MAP4K3: variants seen among roughly 807,000 people sequenced by gnomAD.
The protein encoded by MAP4K3 is MAPK/ERK kinase kinase kinase 3.
A neutral mutation model predicts 143.5 loss-of-function variants in MAP4K3; 94 were observed. The observed-to-expected ratio is 0.65, with a 90% CI of 0.55 to 0.78. The LOEUF (loss-of-function observed/expected upper bound fraction) is 0.78, where lower values mean the gene tolerates loss of function less well. Among genes scored for constraint, MAP4K3 ranks in the 30% least tolerant of loss-of-function variants. The probability of loss-of-function intolerance (pLI) is 0.00; values close to 1 mark genes in which losing one functional copy is unlikely to be tolerated. For synonymous variants in MAP4K3, 416 were observed against 347.2 expected (o/e 1.20, Z -2.20); for missense variants, 1,077 against 1,068.1 (o/e 1.01, Z -0.12).
At chr2:39,400,093 C>T (rs528364694) in intron 1 of MAP4K3, among the ~76,000 whole-genome samples, 157 of 152,266 alleles carry the variant, frequency 1.0e-3, no homozygotes, top group African/African-American at 3.7e-3. Context: ...AAAAACCCTG[C>T]TATACTTTAG....
chr2:39,435,512 C>G (rs1002015022), intron 1 of MAP4K3, among the ~76,000 whole-genome samples: 5 of 152,212 alleles, frequency 3.3e-5, no homozygotes, highest in African/African-American at 9.6e-5. Flanking sequence ...TCTCTGAGAT[C>G]TCAGCTGAAA....
chr2:39,299,701 A>G (rs2111382), intron 16 of MAP4K3, 42 bp downstream of exon 16: 2 of 1,126,588 alleles, frequency 1.8e-6, no homozygotes, highest in Non-Finnish European at 2.5e-6. Flanking sequence ...GCAACTTAAT[A>G]ATTCTTGAAT....
At chr2:39,361,565 C>T (rs1039882599) in intron 2 of MAP4K3, among the ~76,000 whole-genome samples, 1 of 151,398 alleles carries the variant, frequency 6.6e-6, no homozygotes, top group Non-Finnish European at 1.5e-5. Context: ...TTTTAAAATC[C>T]TTCAATAACA....
intron 1 of MAP4K3, among the ~76,000 whole-genome samples, chr2:39,417,855 G>C (rs921524558): frequency 3.9e-5 from 6 of 152,228 alleles, no homozygotes; most frequent in East Asian, 1.9e-4. Context: ...GGCTAGGGCA[G>C]AGAAATACAA....
At chr2:39,409,365 TG>T (rs1284911601) in intron 1 of MAP4K3, among the ~76,000 whole-genome samples, 1 of 152,200 alleles carries the variant, frequency 6.6e-6, no homozygotes, top group East Asian at 1.9e-4. Flanking sequence ...TTCCACTACA[TG>T]GGGGGCTGGC....
chr2:39,371,853 AT>A (rs1666089969), intron 2 of MAP4K3, among the ~76,000 whole-genome samples: 1 of 151,094 alleles, frequency 6.6e-6, no homozygotes, highest in South Asian at 2.1e-4. Flanking sequence ...ATACACACAC[AT>A]CTATCTATAT....
At chr2:39,315,768 T>C (rs1467529957) in intron 12 of MAP4K3, among the ~76,000 whole-genome samples, 2 of 152,134 alleles carry the variant, frequency 1.3e-5, no homozygotes, top group Non-Finnish European at 2.9e-5. Context: ...CATCGAGAAA[T>C]TCTGAAGGGA....
rs943397960 is a variant in MAP4K3, at chr2:39,357,957, G to C, written c.155-1618C>G. The stretch of plus-strand genomic sequence containing the variant: ...TTGGAAGACAAAAGCTCTCTTTCTG[G>C]GGGTAGCCCTGAGAGTTATTAGTAG... On this transcript the variant is annotated intron_variant, in intron 2 of 33. Coordinates refer to ENST00000263881, the MANE Select transcript of MAP4K3 (RefSeq NM_003618.4). Among the ~76,000 whole-genome samples the C allele has an allele frequency of 2.6e-5, 4 of 152,146 alleles. No homozygotes were observed. In the East Asian group the frequency reaches 5.8e-4, roughly 22 times the overall value.
chr2:39,288,922 G>C (rs536186134), intron 19 of MAP4K3, among the ~76,000 whole-genome samples: 22 of 152,174 alleles, frequency 1.4e-4, no homozygotes, highest in Admixed American at 2.6e-4. Context: ...CGTGGTGGCG[G>C]GTGCCTGTAG....
At position 39,326,226 on chromosome 2, in the gene MAP4K3, G is replaced by C. The variant is rs1683485903; in HGVS notation, c.582C>G (p.Leu194=). 1.9e-6 allele frequency: 3 copies of C among 1,613,820 alleles called. No individual in the cohort carries two copies. The highest frequency in any genetic ancestry group is 1.7e-5 in the Admixed American group (1 of 59,984). The change falls in exon 9 of 34, where the codon CTC becomes CTG. Residue 194 remains leucine, a synonymous_variant. Coordinates refer to ENST00000263881, the MANE Select transcript of MAP4K3 (RefSeq NM_003618.4). ...TGATTCCCACTGCCCAGAGATCACA[G>C]AGTTGATTGTAACCCCCCTTCCTCT... ...AVERKGGYNQ[L]CDLWAVGITA... is the part of the protein sequence containing the mutation.
intron 27 of MAP4K3, among the ~76,000 whole-genome samples, chr2:39,266,861 T>C (rs1044962426): frequency 6.6e-6 from 1 of 151,360 alleles, no homozygotes; most frequent in African/African-American, 2.4e-5. Flanking sequence ...GAATGGTGAA[T>C]GGTACGTAAC....
intron 1 of MAP4K3, among the ~76,000 whole-genome samples, chr2:39,384,219 G>A (rs1226432527): frequency 6.6e-6 from 1 of 152,056 alleles, no homozygotes; most frequent in Non-Finnish European, 1.5e-5. Flanking sequence ...ACAACTTGCT[G>A]ATCCTTGCTT....
At chr2:39,420,281 TAAAAC>T (rs1667509933) in intron 1 of MAP4K3, among the ~76,000 whole-genome samples, 1 of 152,236 alleles carries the variant, frequency 6.6e-6, no homozygotes, top group Non-Finnish European at 1.5e-5. Flanking sequence ...TTATAATACT[TAAAAC>T]TAAAGACCAT....
chr2:39,362,666 A>G (rs1665803327), intron 2 of MAP4K3, among the ~76,000 whole-genome samples: 1 of 152,230 alleles, frequency 6.6e-6, no homozygotes, highest in Non-Finnish European at 1.5e-5. Context: ...AACAAACAGC[A>G]ACTTTTTTCT....
chr2:39,354,665 C>T (rs758738672), intron 3 of MAP4K3, among the ~76,000 whole-genome samples: 1 of 147,592 alleles, frequency 6.8e-6, no homozygotes, highest in East Asian at 2.0e-4. Context: ...CTGTCTCAAA[C>T]AAACAAACAA....
intron 28 of MAP4K3, among the ~76,000 whole-genome samples, chr2:39,264,043 G>C (rs1282120037): frequency 1.3e-5 from 2 of 152,082 alleles, no homozygotes; most frequent in Non-Finnish European, 2.9e-5. Context: ...ATAGAGGTTA[G>C]GAATGAAAAT....
At chr2:39,265,558 C>G (rs1011349799) in intron 27 of MAP4K3, among the ~76,000 whole-genome samples, 3 of 152,088 alleles carry the variant, frequency 2.0e-5, no homozygotes, top group African/African-American at 7.2e-5. Context: ...TATAATGAGG[C>G]TGTGGGGTAA....
At chr2:39,418,069 G>A (rs1667433534) in intron 1 of MAP4K3, among the ~76,000 whole-genome samples, 1 of 152,052 alleles carries the variant, frequency 6.6e-6, no homozygotes, top group Non-Finnish European at 1.5e-5. Context: ...TGGATGTGGT[G>A]GCGCGTGCCT....
At chr2:39,378,168 TAA>T (rs764241356) in intron 1 of MAP4K3, 45 bp from the exon 2 acceptor site, 18 of 1,082,894 alleles carry the variant, frequency 1.7e-5, no homozygotes, top group Middle Eastern at 5.6e-4. Context: ...AAAGCTTTCA[TAA>T]AAAGTGTATA....
Sources: gnomAD v4.1 joint callset for allele counts (sites outside exome capture counted in the v4.1 genomes callset) on GRCh38, gnomAD v4.1.1 for gene constraint, MANE v1.5 for transcripts, NCBI Gene and HGNC (gene_info 2026-07-23, HGNC 2026-07-21) for gene names.